AGAP1: variants seen among roughly 807,000 people sequenced by gnomAD.
The protein encoded by AGAP1 is arf-GAP with GTPase, ANK repeat and PH domain-containing protein 1.
In AGAP1, 29 loss-of-function variants were observed where a neutral mutation model predicts 105.3. The ratio of observed to expected loss-of-function variants is 0.28; its 90% CI spans 0.21 to 0.38. AGAP1 has a LOEUF of 0.38. Among genes scored for constraint, AGAP1 ranks in the 10% least tolerant of loss-of-function variants. AGAP1 has a pLI of 1.00. For missense variants in AGAP1, 998 were observed against 1,165.1 expected, an observed-to-expected ratio of 0.86 and a Z score of 2.09; for synonymous variants, 509 against 485.9, an observed-to-expected ratio of 1.05 and a Z score of -0.63.
intron 1 of AGAP1, among the ~76,000 whole-genome samples, chr2:235,706,476 C>G (rs1212571392): frequency 1.3e-5 from 2 of 152,184 alleles, no homozygotes; most frequent in African/African-American, 4.8e-5. Context: ...GATCCGCCCG[C>G]CTCGGCCTCC....
At chr2:235,846,073 G>A (rs1012687491) in intron 9 of AGAP1, among the ~76,000 whole-genome samples, 4 of 152,058 alleles carry the variant, frequency 2.6e-5, no homozygotes, top group African/African-American at 9.7e-5. Context: ...CACCATTGCA[G>A]TTACCATATT....
rs1052427624 is a variant in AGAP1, at chr2:235,919,740, A to T, written c.1324+10834A>T. Among the ~76,000 whole-genome samples, 1 of 152,198 alleles carries T rather than the reference A, an allele frequency of 6.6e-6. No individual in the cohort carries two copies. Among genetic ancestry groups the T allele is most frequent in the Non-Finnish European group, 1.5e-5 (1 of 68,032 alleles). ...CACACACACACCTGTTGCATTTATC[A>T]TATAAAGGAGAAAGAATATTGTAAA... On this transcript the variant is annotated intron_variant, in intron 11 of 17. Coordinates refer to ENST00000304032, the MANE Select transcript of AGAP1 (RefSeq NM_001037131.3). The surrounding 1 kb of genome is among the most constrained non-coding windows in gnomAD (Gnocchi z 4.1).
intron 1 of AGAP1, among the ~76,000 whole-genome samples, chr2:235,591,823 C>A (rs1559273166): frequency 1.3e-5 from 2 of 152,088 alleles, no homozygotes; most frequent in East Asian, 3.9e-4. Flanking sequence ...TGCCAAGAGA[C>A]CTGGTTGTTT....
At chr2:235,636,479 G>C (rs112429175) in intron 1 of AGAP1, among the ~76,000 whole-genome samples, 4 of 152,234 alleles carry the variant, frequency 2.6e-5, no homozygotes, top group African/African-American at 9.6e-5. Context: ...ATCTGGTCTC[G>C]AACCCTCAGT....
At chr2:236,069,347 T>C (rs558999776) in intron 16 of AGAP1, among the ~76,000 whole-genome samples, 2 of 152,270 alleles carry the variant, frequency 1.3e-5, no homozygotes, top group South Asian at 2.1e-4. Context: ...TAATGAATTA[T>C]ATATAATGTA....
intron 16 of AGAP1, among the ~76,000 whole-genome samples, chr2:236,115,824 A>T (rs200141299): frequency 1.1e-5 from 1 of 88,812 alleles, no homozygotes; most frequent in African/African-American, 3.7e-5. Context: ...TGTTTTGTTT[A>T]GACAGAGTCT....
In AGAP1 at chr2:235,658,860, G is replaced by A. The variant is rs570842812; in HGVS notation, c.164-50319G>A. Among the ~76,000 whole-genome samples the A allele has an allele frequency of 2.5e-4, 38 of 152,284 alleles. 2 individuals are homozygous for A. In the South Asian group the frequency reaches 7.5e-3, roughly 30 times the overall value. ...CGGCACCCTCCCCCTCGGAATACCC[G>A]TGAGGGACCTTCTGTTTTTGTTGTT... On this transcript the variant is annotated intron_variant, in intron 1 of 17. Transcript: ENST00000304032.
intron 1 of AGAP1, among the ~76,000 whole-genome samples, chr2:235,572,581 C>G (rs919713598): frequency 6.6e-6 from 1 of 152,188 alleles, no homozygotes; most frequent in Non-Finnish European, 1.5e-5. Context: ...TCTGAAGTCC[C>G]TCCTATAGGG....
chr2:235,831,435 A>G (rs920033782), intron 9 of AGAP1, among the ~76,000 whole-genome samples: 2 of 152,178 alleles, frequency 1.3e-5, no homozygotes, highest in Admixed American at 1.3e-4. Flanking sequence ...GGATCATAAG[A>G]AACAGTTTCA....
chr2:235,913,158 A>G (rs1013311337), intron 11 of AGAP1, among the ~76,000 whole-genome samples: 10 of 152,124 alleles, frequency 6.6e-5, no homozygotes, highest in African/African-American at 2.4e-4. Context: ...ACTTTAAGCT[A>G]TTTAGAAAAC....
At chr2:235,637,704 TTCAGGGTTC>T (rs1231765379) in intron 1 of AGAP1, among the ~76,000 whole-genome samples, 1 of 152,172 alleles carries the variant, frequency 6.6e-6, no homozygotes, top group African/African-American at 2.4e-5. Flanking sequence ...TGTTGCATTA[TTCAGGGTTC>T]TCAGAGAAGC....
In AGAP1 at chr2:235,750,226, A is replaced by G. The variant is rs2149710251; in HGVS notation, c.539-128A>G. On this transcript the variant is annotated intron_variant, in intron 5 of 17. Transcript: ENST00000304032. This position sits in a 1 kb window ranked among gnomAD's most constrained non-coding sequence, Gnocchi z 5.3. ...GTTGGGAGGCAAACGATGCTCTACA[A>G]TTCCAGATTCATAAACTAATTACAT... The G allele has an allele frequency of 7.4e-7, 1 of 1,358,716 alleles. No individual in the cohort carries two copies. Among genetic ancestry groups the G allele is most frequent in the South Asian group, 1.4e-5 (1 of 74,040 alleles). 84.2% of individuals were successfully genotyped at this position (1,358,716 alleles called of 1,614,324 possible).
In AGAP1 at chr2:236,119,693, C is replaced by T. The variant is rs2059855078; in HGVS notation, c.2115-499C>T. Among the ~76,000 whole-genome samples, 1 of 151,958 alleles carries T rather than the reference C, an allele frequency of 6.6e-6. No homozygotes were observed. Among genetic ancestry groups the T allele is most frequent in the Non-Finnish European group, 1.5e-5 (1 of 68,000 alleles). On this transcript the variant is annotated intron_variant, in intron 16 of 17. Coordinates refer to ENST00000304032, the MANE Select transcript of AGAP1 (RefSeq NM_001037131.3). This position sits in a 1 kb window ranked among gnomAD's most constrained non-coding sequence, Gnocchi z 6.6. ...GCTTCCATCGTGCGGTCCGTGCTCT[C>T]GGCCCCGGAGACCGTGCTTCCATCG...
intron 1 of AGAP1, among the ~76,000 whole-genome samples, chr2:235,645,747 A>G (rs924659190): frequency 1.3e-5 from 2 of 152,210 alleles, no homozygotes; most frequent in Non-Finnish European, 2.9e-5. Flanking sequence ...GAAAACCGGC[A>G]CAGAAACAAC....
In AGAP1 at chr2:235,635,231, C is replaced by A. The variant is rs1215119783; in HGVS notation, c.164-73948C>A. 6.6e-6 allele frequency among the ~76,000 whole-genome samples: 1 copy of A among 152,122 alleles called. No homozygotes were observed. Among genetic ancestry groups the A allele is most frequent in the Non-Finnish European group, 1.5e-5 (1 of 68,012 alleles). On this transcript the variant is annotated intron_variant, in intron 1 of 17. Coordinates refer to ENST00000304032, the MANE Select transcript of AGAP1 (RefSeq NM_001037131.3). The surrounding 1 kb of genome is among the most constrained non-coding windows in gnomAD (Gnocchi z 5.3). ...TGTGGCAGCAGTGGGTCGGTCAAAC[C>A]TTTCCAAGCCTCCGTGTCCTCATCT... is the stretch of plus-strand genomic sequence containing the variant.
At position 235,701,751 on chromosome 2, in the gene AGAP1, G is replaced by A. The variant is rs563911714; in HGVS notation, c.164-7428G>A. Reference sequence around the variant, plus strand: ...TCCAGTTTGCAGCGGGCTCTTTTCCGGCTGCGTTGAAATGGATTTCTTTAT... The same window carrying A: ...TCCAGTTTGCAGCGGGCTCTTTTCCAGCTGCGTTGAAATGGATTTCTTTAT... On this transcript the variant is annotated intron_variant, in intron 1 of 17. Coordinates refer to ENST00000304032, the MANE Select transcript of AGAP1 (RefSeq NM_001037131.3). This position sits in a 1 kb window ranked among gnomAD's most constrained non-coding sequence, Gnocchi z 4.1. Among the ~76,000 whole-genome samples the A allele has an allele frequency of 2.5e-4, 38 of 152,044 alleles. 1 individual carries two copies. The highest frequency in any genetic ancestry group is 8.2e-4 in the African/African-American group (34 of 41,362).
chr2:235,633,203 G>C lies in AGAP1; in HGVS notation c.164-75976G>C, dbSNP rs1412111031. Among the ~76,000 whole-genome samples, 1 of 152,158 alleles carries C rather than the reference G, an allele frequency of 6.6e-6. No individual in the cohort carries two copies. The highest frequency in any genetic ancestry group is 1.5e-5 in the Non-Finnish European group (1 of 68,030). ...GATCCTGGTTTTACGGCATGCGGGAGCCTACGGAATGAAGACCCGAAGATT... is the reference window on the plus strand; with the variant it reads ...GATCCTGGTTTTACGGCATGCGGGACCCTACGGAATGAAGACCCGAAGATT... On this transcript the variant is annotated intron_variant, in intron 1 of 17. Coordinates refer to ENST00000304032, the MANE Select transcript of AGAP1 (RefSeq NM_001037131.3). The surrounding 1 kb of genome is among the most constrained non-coding windows in gnomAD (Gnocchi z 4.8).
intron 1 of AGAP1, among the ~76,000 whole-genome samples, chr2:235,698,589 G>A (rs1950109550): frequency 6.6e-6 from 1 of 152,082 alleles, no homozygotes; most frequent in African/African-American, 2.4e-5. Context: ...AAGCATTCTC[G>A]AGATCTGTTC....
At chr2:235,500,565 A>G (rs1676001070) in intron 1 of AGAP1, among the ~76,000 whole-genome samples, 1 of 152,214 alleles carries the variant, frequency 6.6e-6, no homozygotes, top group Admixed American at 6.5e-5. Context: ...GTTTCCTATC[A>G]GCCTGCCCTG....
Sources: gnomAD v4.1 joint callset for allele counts (sites outside exome capture counted in the v4.1 genomes callset) on GRCh38, gnomAD v4.1.1 for gene constraint, Gnocchi (gnomAD v3.1) non-coding constraint, MANE v1.5 for transcripts, NCBI Gene and HGNC (gene_info 2026-07-23, HGNC 2026-07-21) for gene names.